The following SLCO4C1 variants were observed in gnomAD, a reference collection of about 807,000 sequenced individuals.
SLCO4C1 encodes the protein organic anion transporter M1.
SLCO4C1 carries 58 observed loss-of-function variants against 72.1 expected under a neutral mutation model. The observed-to-expected ratio is 0.80, with a 90% confidence interval of 0.65 to 1.00. The LOEUF is 1.00. SLCO4C1 is among the 50% of genes least tolerant of loss of function. The pLI, the probability that SLCO4C1 is intolerant of heterozygous loss-of-function variation, is 0.00. For synonymous variants in SLCO4C1, 297 were observed against 312.5 expected (o/e 0.95, Z 0.52); for missense variants, 898 against 857.9 (o/e 1.05, Z -0.58).
At chr5:102,261,246 C>G (rs1184186415) in intron 5 of SLCO4C1, among the ~76,000 whole-genome samples, 1 of 151,930 alleles carries the variant, frequency 6.6e-6, no homozygotes, top group Non-Finnish European at 1.5e-5. Flanking sequence ...AACCCCATCT[C>G]TAATAAAAAT....
chr5:102,288,361 T>C (rs1749493911), intron 2 of SLCO4C1, among the ~76,000 whole-genome samples: 1 of 152,158 alleles, frequency 6.6e-6, no homozygotes, highest in Admixed American at 6.5e-5. Flanking sequence ...CAAGGACTCC[T>C]TCATTCCTCC....
At chr5:102,258,183 C>T in intron 6 of SLCO4C1, 96 bp from the exon 7 acceptor site, 2 of 996,456 alleles carry the variant, frequency 2.0e-6, no homozygotes, top group South Asian at 2.5e-5. Context: ...CAAAATTTTA[C>T]AATCATCTGT....
Position 102,249,782 on chromosome 5 carries a change from T to C in SLCO4C1, c.1476A>G (p.Gly492=), listed in dbSNP as rs1435112632. The C allele has an allele frequency of 1.9e-6, 3 of 1,612,228 alleles. No individual in the cohort carries two copies. The East Asian group carries it at 6.7e-5, about 36-fold the overall frequency. ...AGVSESYNGT[G]ELGNLIAPCN... Reference sequence around the variant, plus strand: ...AAGGGGCTATCAAGTTTCCCAATTCTCCAGTCCTGTAAATAAGAAATGAAA... The same window carrying C: ...AAGGGGCTATCAAGTTTCCCAATTCCCCAGTCCTGTAAATAAGAAATGAAA... Residue 492 remains glycine (G), a synonymous_variant, in exon 9 of 13, where the codon GGA becomes GGG. Transcript: ENST00000310954.
intron 3 of SLCO4C1, among the ~76,000 whole-genome samples, chr5:102,266,509 G>T (rs1020933584): frequency 3.3e-5 from 5 of 152,240 alleles, no homozygotes; most frequent in African/African-American, 1.2e-4. Flanking sequence ...AATTAGCCAG[G>T]TGTGGTGGCA....
intron 12 of SLCO4C1, among the ~76,000 whole-genome samples, chr5:102,237,420 T>G (rs1273417333): frequency 6.7e-6 from 1 of 149,194 alleles, no homozygotes; most frequent in Non-Finnish European, 1.5e-5. Flanking sequence ...CTGGGCACCA[T>G]AGGAAACCCT....
intron 10 of SLCO4C1, among the ~76,000 whole-genome samples, chr5:102,247,019 C>G (rs1169914525): frequency 6.6e-6 from 1 of 152,044 alleles, no homozygotes; most frequent in Non-Finnish European, 1.5e-5. Flanking sequence ...GAGAAAACAC[C>G]AAGCACAAGC....
Position 102,234,920 on chromosome 5 carries a change from T to A in SLCO4C1, c.*1938A>T, listed in dbSNP as rs1307882817. The A allele has an allele frequency of 2.0e-5, 3 of 152,216 alleles. No homozygotes were observed. Among genetic ancestry groups the A allele is most frequent in the Non-Finnish European group, 4.4e-5 (3 of 68,054 alleles). 9.4% of individuals were successfully genotyped at this position (152,216 alleles called of 1,614,324 possible). A position where few individuals can be genotyped will look rare whatever the true frequency, so the allele number is the denominator to read the frequency against. The stretch of plus-strand genomic sequence containing the variant: ...GTTCACCTGCCTCTCTTGCCCTATT[T>A]CTTTGGTTGCTATAAATTTCCTGCT... On this transcript the variant is annotated 3_prime_UTR_variant, in exon 13 of 13. Transcript: ENST00000310954.
At position 102,270,488 on chromosome 5, in the gene SLCO4C1, T is replaced by C. The variant is rs944912881; in HGVS notation, c.802+136A>G. 6.9e-6 allele frequency: 4 copies of C among 582,450 alleles called. No individual in the cohort carries two copies. In the African/African-American group the frequency reaches 7.7e-5, roughly 11 times the overall value. The allele number at this position is 582,450 out of a possible 1,614,324, so 36.1% of individuals were successfully genotyped here. On this transcript the variant is annotated intron_variant, in intron 3 of 12. Coordinates refer to ENST00000310954, the MANE Select transcript of SLCO4C1 (RefSeq NM_180991.5). ...TATTTGGCAGGAAATAAAACAAAAG[T>C]AATACTGCATTTATTTATTGGGAAA...
chr5:102,280,815 A>C (rs758796341), intron 2 of SLCO4C1, among the ~76,000 whole-genome samples: 7 of 151,680 alleles, frequency 4.6e-5, no homozygotes, highest in Non-Finnish European at 1.0e-4. Context: ...TGATCAAATA[A>C]CCTCCCACCA....
intron 3 of SLCO4C1, 80 bp from the exon 4 acceptor site, chr5:102,263,860 T>C: frequency 9.6e-7 from 1 of 1,038,086 alleles, no homozygotes; most frequent in Non-Finnish European, 1.5e-6. Flanking sequence ...ACAAATATTT[T>C]ACTACAGAAA....
At chr5:102,286,808 T>C (rs1241283335) in intron 2 of SLCO4C1, among the ~76,000 whole-genome samples, 1 of 152,176 alleles carries the variant, frequency 6.6e-6, no homozygotes, top group East Asian at 1.9e-4. Context: ...CAATAGAAAG[T>C]CCACGCTGTT....
intron 5 of SLCO4C1, among the ~76,000 whole-genome samples, chr5:102,260,915 C>G (rs2112360828): frequency 6.6e-6 from 1 of 152,214 alleles, no homozygotes; most frequent in Middle Eastern, 3.4e-3. Flanking sequence ...TCTACCTACT[C>G]AGTCTGTCAG....
intron 2 of SLCO4C1, 106 bp downstream of exon 2, chr5:102,291,237 T>C (rs148908747): frequency 8.4e-7 from 1 of 1,192,436 alleles, no homozygotes; most frequent in Non-Finnish European, 1.2e-6. Context: ...GTGGAAGAGA[T>C]GTAAACCCTT....
rs1199830625 is a variant in SLCO4C1 at position 102,236,909 on chromosome 5, C to G, written c.2124G>C (p.Val708=). Residue 708 remains valine, a synonymous_variant, in exon 13 of 13, where the codon GTG becomes GTC. Coordinates refer to ENST00000310954, the MANE Select transcript of SLCO4C1 (RefSeq NM_180991.5). The stretch of plus-strand genomic sequence containing the variant: ...GATCCTGTTCTGCTAAAACATTAGT[C>G]ACAACTGCATTCTCTTTATGAAATG... ...DVSFHKENAV[V]TNVLAEQDLN... The G allele has an allele frequency of 6.2e-7, 1 of 1,612,712 alleles. No individual in the cohort carries two copies. The highest frequency in any genetic ancestry group is 1.3e-5 in the African/African-American group (1 of 74,802).
chr5:102,260,243 T>G lies in SLCO4C1; in HGVS notation c.1098A>C (p.Lys366Asn), dbSNP rs757989484. The change falls in exon 6 of 13, where the codon AAA becomes AAC. Residue 366 changes from lysine (K) to asparagine (N), a missense_variant. Physicochemically the swap from Lys to Asn is moderately conservative, Grantham distance 94. Coordinates refer to ENST00000310954, the MANE Select transcript of SLCO4C1 (RefSeq NM_180991.5). ...GAGCAGCTGGAAAATCTTTAATACT[T>G]TTTCCAAATTTCACATCTGCATTAC... ...SNSNADVKFG[K>N]SIKDFPAALK... 1 of 1,395,670 alleles carries G rather than the reference T, an allele frequency of 7.2e-7. No individual in the cohort carries two copies. The highest frequency in any genetic ancestry group is 9.4e-7 in the Non-Finnish European group (1 of 1,065,832). 86.5% of individuals were successfully genotyped at this position (1,395,670 alleles called of 1,614,324 possible). A position where few individuals can be genotyped will look rare whatever the true frequency, so the allele number is the denominator to read the frequency against.
chr5:102,284,626 GTTC>G (rs930658770), intron 2 of SLCO4C1, among the ~76,000 whole-genome samples: 4 of 138,234 alleles, frequency 2.9e-5, no homozygotes, highest in Admixed American at 6.9e-5. Flanking sequence ...ACTGCTTAGC[GTTC>G]TTCTTTTTTT....
At chr5:102,242,476 G>A (rs887360525) in intron 10 of SLCO4C1, among the ~76,000 whole-genome samples, 2 of 152,146 alleles carry the variant, frequency 1.3e-5, no homozygotes, top group African/African-American at 4.8e-5. Context: ...AGAGTGGGGA[G>A]GATTTTGTCT....
Position 102,239,536 on chromosome 5 carries a change from G to T in SLCO4C1, c.1877-148C>A, listed in dbSNP as rs553412663. 1.5e-5 allele frequency: 7 copies of T among 465,216 alleles called. No homozygotes were observed. In the South Asian group the frequency reaches 7.1e-4, roughly 47 times the overall value. The allele number at this position is 465,216 out of a possible 1,614,324, so 28.8% of individuals were successfully genotyped here. ...CAAATTAATTCATGTACAAGTCAAAGAAATATAAAGCAGATACAATATTCT... is the reference window on the plus strand; with the variant it reads ...CAAATTAATTCATGTACAAGTCAAATAAATATAAAGCAGATACAATATTCT... On this transcript the variant is annotated intron_variant, in intron 11 of 12. Transcript: ENST00000310954.
Position 102,295,949 on chromosome 5 carries a change from C to G in SLCO4C1, c.314G>C (p.Gly105Ala), listed in dbSNP as rs749178386. The G allele has an allele frequency of 1.2e-5, 19 of 1,614,134 alleles. No individual in the cohort carries two copies. In the Admixed American group the frequency reaches 3.2e-4, roughly 27 times the overall value. ...GAGGCAGTAGTGAAGCAGAAAGCCTCCAGGTGTGTTGCAGCGCTGGAGACA... is the reference window on the plus strand; with the variant it reads ...GAGGCAGTAGTGAAGCAGAAAGCCTGCAGGTGTGTTGCAGCGCTGGAGACA... ...PQCLQRCNTP[G>A]GFLLHYCLLA... Residue 105 changes from glycine (G) to alanine (A), a missense_variant, in exon 1 of 13, where the codon GGA becomes GCA. Physicochemically the swap from Gly to Ala is moderately conservative, Grantham distance 60. Coordinates refer to ENST00000310954, the MANE Select transcript of SLCO4C1 (RefSeq NM_180991.5).
Sources: gnomAD v4.1 joint callset for allele counts (sites outside exome capture counted in the v4.1 genomes callset) on GRCh38, gnomAD v4.1.1 for gene constraint, MANE v1.5 for transcripts, NCBI Gene and HGNC (gene_info 2026-07-23, HGNC 2026-07-21) for gene names.